The following USP10 variants were observed in gnomAD, a reference collection of about 807,000 sequenced individuals.
USP10 encodes ubiquitin carboxyl-terminal hydrolase 10.
USP10 carries 22 observed loss-of-function variants against 84.5 expected under a neutral mutation model. The observed-to-expected ratio is 0.26, with a 90% CI of 0.19 to 0.37. The LOEUF (loss-of-function observed/expected upper bound fraction) is 0.37. Among genes scored for constraint, USP10 ranks in the 10% least tolerant of loss-of-function variants. The pLI is 1.00. For missense variants in USP10, 1,019 were observed against 998.9 expected, an observed-to-expected ratio of 1.02 and a Z score of -0.27; for synonymous variants, 454 against 387.6, an observed-to-expected ratio of 1.17 and a Z score of -2.01.
In USP10 at chr16:84,744,664, C is replaced by G. The variant is rs537583328; in HGVS notation, c.183C>G (p.Val61=). 1 of 1,612,052 alleles carries G rather than the reference C, an allele frequency of 6.2e-7. No individual in the cohort carries two copies. The highest frequency in any genetic ancestry group is 2.2e-5 in the East Asian group (1 of 44,842). Residue 61 remains valine, a synonymous_variant, in exon 4 of 14, where the codon GTC becomes GTG. Transcript: ENST00000219473. ...GQEYQRIEFG[V]DEVIEPSDTL... The stretch of plus-strand genomic sequence containing the variant: ...AATATCAGAGAATTGAGTTTGGTGT[C>G]GATGAAGTCATTGAACCCAGTGACA...
At chr16:84,768,389 A>T (rs751965932) in intron 11 of USP10, 31 bp downstream of exon 11, 1 of 1,523,638 alleles carries the variant, frequency 6.6e-7, no homozygotes, top group Non-Finnish European at 8.9e-7. Flanking sequence ...GAACCTTTCT[A>T]CTAAGGTGCT....
chr16:84,767,287 A>G (rs1260007205), intron 10 of USP10, among the ~76,000 whole-genome samples: 1 of 152,044 alleles, frequency 6.6e-6, no homozygotes, highest in Non-Finnish European at 1.5e-5. Flanking sequence ...CTGAGGCTAA[A>G]TGAGAGATGG....
intron 4 of USP10, among the ~76,000 whole-genome samples, chr16:84,755,432 G>T (rs1013434526): frequency 1.3e-5 from 2 of 151,694 alleles, no homozygotes; most frequent in African/African-American, 4.8e-5. Context: ...TGCACTTGCT[G>T]TCTTCACTCC....
chr16:84,766,843 C>T (rs1913920890), intron 10 of USP10, among the ~76,000 whole-genome samples: 1 of 152,200 alleles, frequency 6.6e-6, no homozygotes, highest in Non-Finnish European at 1.5e-5. Flanking sequence ...AACTTCTTTT[C>T]AGCCATTGTT....
At chr16:84,704,907 A>G (rs1186934643) in intron 1 of USP10, 4 of 1,535,570 alleles carry the variant, frequency 2.6e-6, no homozygotes, top group Non-Finnish European at 2.6e-6. Context: ...TACAGCCTGA[A>G]TTCCTCGACT....
chr16:84,714,180 G>A (rs931259556), intron 1 of USP10, among the ~76,000 whole-genome samples: 3 of 152,204 alleles, frequency 2.0e-5, no homozygotes, highest in Admixed American at 6.5e-5. Context: ...CTTGAACAGT[G>A]CCTAGAGGAG....
At chr16:84,734,046 GTCTCTAGTTCAGCCGTTAAAAATATT>G (rs1189761620) in intron 2 of USP10, among the ~76,000 whole-genome samples, 2 of 152,132 alleles carry the variant, frequency 1.3e-5, no homozygotes, top group South Asian at 2.1e-4. Flanking sequence ...GGCCATTTAG[GTCTCTAGTTCAGCCGTTAAAAATATT>G]GCACTCAATG....
chr16:84,758,645 C>A, intron 4 of USP10, 71 bp from the exon 5 acceptor site: 2 of 1,059,950 alleles, frequency 1.9e-6, no homozygotes, highest in Non-Finnish European at 3.0e-6. Context: ...CAGAGTAGAG[C>A]ATGTGAAATG....
intron 9 of USP10, among the ~76,000 whole-genome samples, 167 bp from the exon 10 acceptor site, chr16:84,763,919 G>T (rs1410215342): frequency 6.7e-6 from 1 of 150,300 alleles, no homozygotes; most frequent in Non-Finnish European, 1.5e-5. Context: ...TGTTGCGATT[G>T]GCCGTGGATC....
At chr16:84,717,762 G>A (rs1387033858) in intron 1 of USP10, among the ~76,000 whole-genome samples, 1 of 152,180 alleles carries the variant, frequency 6.6e-6, no homozygotes, top group Non-Finnish European at 1.5e-5. Context: ...GTTCAGGAAA[G>A]TGCTTCTACT....
chr16:84,720,056 A>T (rs548435899), intron 1 of USP10, among the ~76,000 whole-genome samples: 1 of 152,348 alleles, frequency 6.6e-6, no homozygotes, highest in Non-Finnish European at 1.5e-5. Context: ...GCTTGATCTT[A>T]ACACCGGAAG....
chr16:84,727,988 T>C (rs1908728952), intron 1 of USP10, among the ~76,000 whole-genome samples: 1 of 152,356 alleles, frequency 6.6e-6, no homozygotes, highest in Admixed American at 6.5e-5. Flanking sequence ...TATTTAGTTA[T>C]CATGTCTCTA....
chr16:84,723,901 C>G (rs1214275715), intron 1 of USP10, among the ~76,000 whole-genome samples: 3 of 152,126 alleles, frequency 2.0e-5, no homozygotes, highest in African/African-American at 7.2e-5. Context: ...CGTCCTTGGC[C>G]CCAGCAAAGA....
intron 11 of USP10, 140 bp from the exon 12 acceptor site, chr16:84,772,401 G>C (rs949336003): frequency 7.8e-6 from 9 of 1,150,576 alleles, no homozygotes; most frequent in Non-Finnish European, 1.1e-5. Context: ...GCTTCTGTGG[G>C]GCAGGAAAAG....
rs1450076757 is a variant in USP10, at chr16:84,706,697, C to T, written c.21+6586C>T. Among the ~76,000 whole-genome samples, 9 of 151,882 alleles carry T rather than the reference C, an allele frequency of 5.9e-5. No individual in the cohort carries two copies. In the South Asian group the frequency reaches 6.2e-4, roughly 11 times the overall value. ...CTGGGAATACAGGTGTGCGCCACCACGCCCAGCTAATTTTTTGTATTTTTA... is the reference window on the plus strand; with the variant it reads ...CTGGGAATACAGGTGTGCGCCACCATGCCCAGCTAATTTTTTGTATTTTTA... On this transcript the variant is annotated intron_variant, in intron 1 of 13. Transcript: ENST00000219473.
intron 1 of USP10, among the ~76,000 whole-genome samples, chr16:84,724,453 T>G (rs1009440155): frequency 5.3e-5 from 8 of 152,172 alleles, no homozygotes; most frequent in African/African-American, 1.9e-4. Flanking sequence ...AACAGGGAAG[T>G]AGACACTCAA....
At chr16:84,721,416 T>A (rs1413364464) in intron 1 of USP10, among the ~76,000 whole-genome samples, 1 of 152,260 alleles carries the variant, frequency 6.6e-6, no homozygotes, top group East Asian at 1.9e-4. Flanking sequence ...TTGATTATGG[T>A]ACTGCTTCAT....
intron 6 of USP10, 103 bp from the exon 7 acceptor site, chr16:84,759,788 A>C (rs1055357814): frequency 8.4e-7 from 1 of 1,196,258 alleles, no homozygotes; most frequent in African/African-American, 1.5e-5. Context: ...CCTAAAATCT[A>C]CTATACTCGT....
rs62050889 is a variant in USP10, at chr16:84,774,080, A to C, written c.2144-1080A>C. 3.1e-3 allele frequency among the ~76,000 whole-genome samples: 476 copies of C among 151,824 alleles called. 3 individuals carry two copies. Among genetic ancestry groups the C allele is most frequent in the African/African-American group, 0.011 (449 of 41,384 alleles). The stretch of plus-strand genomic sequence containing the variant: ...GCCTGACCAACGTGGTGAAACCCCA[A>C]CTCTTCTAAAAACACAAAAATTAGC... On this transcript the variant is annotated intron_variant, in intron 12 of 13. Transcript: ENST00000219473.
Sources: allele counts gnomAD v4.1 joint callset (sites outside exome capture counted in the v4.1 genomes callset), GRCh38; gene constraint gnomAD v4.1.1; transcripts MANE v1.5; gene names NCBI Gene and HGNC (gene_info 2026-07-23, HGNC 2026-07-21).